Variants in PCBP3 observed in about 807,000 individuals in gnomAD.
PCBP3 encodes the protein poly(rC)-binding protein 3.
In PCBP3, 25 loss-of-function variants were observed where a neutral mutation model predicts 52.7. The ratio of observed to expected loss-of-function variants is 0.47; its 90% confidence interval spans 0.35 to 0.66. The LOEUF (loss-of-function observed/expected upper bound fraction) is 0.66, where lower values mean the gene tolerates loss of function less well. PCBP3 is among the 30% of genes least tolerant of loss of function. PCBP3 has a pLI of 0.01. For missense variants in PCBP3, 391 were observed against 490.3 expected (o/e 0.80, Z 1.91); for synonymous variants, 162 against 183.0 (o/e 0.89, Z 0.93).
intron 5 of PCBP3, chr21:45,872,327 C>A (rs894162791): frequency 6.6e-6 from 1 of 152,238 alleles, no homozygotes; most frequent in Non-Finnish European, 1.5e-5. Flanking sequence ...GTCTAAAAGG[C>A]GTCCCTGGTC....
intron 2 of PCBP3, among the ~76,000 whole-genome samples, chr21:45,686,383 A>G (rs2147676557): frequency 6.6e-6 from 1 of 152,336 alleles, no homozygotes; most frequent in East Asian, 1.9e-4. Flanking sequence ...AAGATACTGT[A>G]CATCCAACCT....
intron 4 of PCBP3, among the ~76,000 whole-genome samples, chr21:45,782,967 C>G (rs1342732559): frequency 6.6e-6 from 1 of 152,198 alleles, no homozygotes; most frequent in Non-Finnish European, 1.5e-5. Context: ...TTCTGGCTTT[C>G]TCATGTAGTT....
intron 1 of PCBP3, among the ~76,000 whole-genome samples, chr21:45,666,715 A>G (rs1051253334): frequency 2.7e-5 from 4 of 147,340 alleles, no homozygotes; most frequent in African/African-American, 7.5e-5. Context: ...GAAATCCGCT[A>G]TTGTTCTTAT....
rs1344114187 is a variant in PCBP3, at chr21:45,791,226, TTA to T, written c.-126+35778_-126+35779del. On this transcript the variant is annotated intron_variant, in intron 4 of 17. Transcript: ENST00000681687. The surrounding 1 kb of genome is among the most constrained non-coding windows in gnomAD (Gnocchi z 4.2). ...AGGAATCGGTATGAGATATGCATATTTATATGTTTTTGATGTACGATAAAAGG... is the reference window on the plus strand; with the variant it reads ...AGGAATCGGTATGAGATATGCATATTTATGTTTTTGATGTACGATAAAAGG... Among the ~76,000 whole-genome samples the T allele has an allele frequency of 6.6e-6, 1 of 152,144 alleles. No homozygotes were observed. The highest frequency in any genetic ancestry group is 2.4e-5 in the African/African-American group (1 of 41,428).
At chr21:45,913,780 G>T (rs2096451215) in intron 11 of PCBP3, among the ~76,000 whole-genome samples, 171 bp from the exon 12 acceptor site, 2 of 152,196 alleles carry the variant, frequency 1.3e-5, no homozygotes. Context: ...AGGGTGTGGG[G>T]GCTGGAGGTC....
chr21:45,665,316 G>A (rs2080724422), intron 1 of PCBP3, among the ~76,000 whole-genome samples: 1 of 152,064 alleles, frequency 6.6e-6, no homozygotes, highest in Non-Finnish European at 1.5e-5. Flanking sequence ...GCTGAGGTGG[G>A]AGAATCACTT....
At chr21:45,794,845 C>A (rs555023138) in intron 4 of PCBP3, among the ~76,000 whole-genome samples, 1 of 151,608 alleles carries the variant, frequency 6.6e-6, no homozygotes, top group African/African-American at 2.4e-5. Flanking sequence ...AGGAGAATGG[C>A]GTGAACCCGG....
chr21:45,728,511 T>A (rs1465026513), intron 2 of PCBP3, among the ~76,000 whole-genome samples: 1 of 152,208 alleles, frequency 6.6e-6, no homozygotes, highest in African/African-American at 2.4e-5. Flanking sequence ...GCATCTATAT[T>A]TCTGAGGAAT....
chr21:45,651,734 C>T (rs912677856), intron 1 of PCBP3, among the ~76,000 whole-genome samples: 2 of 152,186 alleles, frequency 1.3e-5, no homozygotes, highest in Admixed American at 6.5e-5. Context: ...TCACTGATTG[C>T]TTCTAAATTT....
intron 5 of PCBP3, among the ~76,000 whole-genome samples, chr21:45,886,549 G>A (rs1387616689): frequency 1.4e-5 from 2 of 144,032 alleles, no homozygotes; most frequent in African/African-American, 5.3e-5. Context: ...GGCAGAGGAT[G>A]TGGTGAGGTG....
intron 4 of PCBP3, among the ~76,000 whole-genome samples, chr21:45,778,950 T>C (rs573401661): frequency 1.3e-5 from 2 of 152,076 alleles, no homozygotes; most frequent in South Asian, 4.1e-4. Flanking sequence ...GGTTGATGGA[T>C]AGGGAATGCA....
At chr21:45,920,404 C>A (rs1412813436) in intron 13 of PCBP3, among the ~76,000 whole-genome samples, 1 of 152,220 alleles carries the variant, frequency 6.6e-6, no homozygotes, top group Middle Eastern at 3.2e-3. Flanking sequence ...TCTCATGTGA[C>A]TTTCTCAGTA....
chr21:45,711,535 G>A (rs1472127973), intron 2 of PCBP3, among the ~76,000 whole-genome samples: 2 of 152,138 alleles, frequency 1.3e-5, no homozygotes, highest in Non-Finnish European at 2.9e-5. Flanking sequence ...ATGTATAGCA[G>A]TATGAGGATT....
chr21:45,663,649 A>G (rs1310639137), intron 1 of PCBP3, among the ~76,000 whole-genome samples: 4 of 151,796 alleles, frequency 2.6e-5, no homozygotes, highest in African/African-American at 9.7e-5. Flanking sequence ...GTTTTTCCCC[A>G]GTGTTTTGTT....
At chr21:45,874,042 G>T (rs1384722480) in intron 5 of PCBP3, among the ~76,000 whole-genome samples, 2 of 151,738 alleles carry the variant, frequency 1.3e-5, no homozygotes, top group East Asian at 3.9e-4. Flanking sequence ...GAGCCACCAC[G>T]CCCGGCCCAG....
At chr21:45,940,864 G>A (rs379493) in intron 17 of PCBP3, among the ~76,000 whole-genome samples, 3 of 141,186 alleles carry the variant, frequency 2.1e-5, no homozygotes, top group South Asian at 2.2e-4. Context: ...AGGAACATCC[G>A]TCCTCTCTCC....
intron 4 of PCBP3, among the ~76,000 whole-genome samples, chr21:45,816,019 G>A (rs2092934787): frequency 8.6e-6 from 1 of 116,724 alleles, no homozygotes; most frequent in Non-Finnish European, 1.8e-5. Flanking sequence ...TGAGTGGTGA[G>A]TAGTGAGTGG....
intron 4 of PCBP3, among the ~76,000 whole-genome samples, chr21:45,813,491 G>T (rs955903264): frequency 6.6e-6 from 1 of 152,092 alleles, no homozygotes; most frequent in Admixed American, 6.6e-5. Flanking sequence ...GCCCAGGCTG[G>T]AGTGCAGTGG....
At chr21:45,784,513 C>G (rs528878651) in intron 4 of PCBP3, among the ~76,000 whole-genome samples, 2 of 152,226 alleles carry the variant, frequency 1.3e-5, no homozygotes, top group Admixed American at 6.5e-5. Flanking sequence ...GATGCCGAGC[C>G]GAAGCTGGAC....
Sources: allele counts gnomAD v4.1 joint callset (sites outside exome capture counted in the v4.1 genomes callset), GRCh38; gene constraint gnomAD v4.1.1; non-coding constraint Gnocchi (gnomAD v3.1); transcripts MANE v1.5; gene names NCBI Gene and HGNC (gene_info 2026-07-23, HGNC 2026-07-21).